Variants in SF3A1 observed in about 807,000 individuals in gnomAD.
The protein encoded by SF3A1 is splicing factor 3a subunit 1, also known as SAP 114.
SF3A1 carries 13 observed loss-of-function variants against 89.9 expected under a neutral mutation model. That is an observed-to-expected ratio of 0.14 (90% confidence interval 0.09 to 0.23). The LOEUF (loss-of-function observed/expected upper bound fraction) is 0.23. Among genes scored for constraint, SF3A1 ranks in the 10% least tolerant of loss-of-function variants. The pLI, the probability that SF3A1 is intolerant of heterozygous loss-of-function variation, is 1.00. For synonymous variants in SF3A1, 405 were observed against 374.4 expected, an observed-to-expected ratio of 1.08 and a Z score of -0.94; for missense variants, 604 against 1,022.1, an observed-to-expected ratio of 0.59 and a Z score of 5.58.
chr22:30,335,919 C>A (rs1004765016), intron 13 of SF3A1, among the ~76,000 whole-genome samples, 166 bp from the exon 14 acceptor site: 5 of 152,200 alleles, frequency 3.3e-5, no homozygotes, highest in Non-Finnish European at 4.4e-5. Context: ...ACAAGTCACC[C>A]CCCTTTGCAA....
chr22:30,347,724 C>T lies in SF3A1; in HGVS notation c.186-1205G>A, dbSNP rs147441029. Among the ~76,000 whole-genome samples, 5 of 152,362 alleles carry T rather than the reference C, an allele frequency of 3.3e-5. No homozygotes were observed. The East Asian group carries it at 9.6e-4, about 29-fold the overall frequency. On this transcript the variant is annotated intron_variant, in intron 2 of 15. Transcript: ENST00000215793. ...ACACGTTCAAGTCTCAGGTTCACTG[C>T]TGACTCACTCTGACCCACAGCAAGT...
chr22:30,348,095 C>T (rs1229990875), intron 2 of SF3A1, among the ~76,000 whole-genome samples: 1 of 152,232 alleles, frequency 6.6e-6, no homozygotes, highest in Non-Finnish European at 1.5e-5. Context: ...CTTGGCCTCC[C>T]AAAGTGATAG....
chr22:30,343,288 T>C (rs955289766), intron 4 of SF3A1, among the ~76,000 whole-genome samples: 1 of 151,986 alleles, frequency 6.6e-6, no homozygotes, highest in African/African-American at 2.4e-5. Flanking sequence ...CCCACCTCCC[T>C]CTATTTCTGC....
chr22:30,338,666 T>C, intron 11 of SF3A1, 123 bp downstream of exon 11: 1 of 1,266,532 alleles, frequency 7.9e-7, no homozygotes, highest in African/African-American at 1.5e-5. Flanking sequence ...GCTCTTTCTC[T>C]TTCAAACTGA....
chr22:30,340,787 T>G lies in SF3A1; in HGVS notation c.1097A>C (p.Gln366Pro). Residue 366 changes from glutamine (Q) to proline (P), a missense_variant, in exon 8 of 16, where the codon CAG becomes CCG. Physicochemically the swap from Gln to Pro is moderately conservative, Grantham distance 76. Transcript: ENST00000215793. ...DEGSDDEEEG[Q>P]KVPPPPETPM... Reference sequence around the variant, plus strand: ...TGTCTCTGGGGGTGGGGGCACTTTCTGCCCTTCTTCTTCATCATCTGAACC... The same window carrying G: ...TGTCTCTGGGGGTGGGGGCACTTTCGGCCCTTCTTCTTCATCATCTGAACC... 6.3e-7 allele frequency: 1 copy of G among 1,593,732 alleles called. No homozygotes were observed. Among genetic ancestry groups the G allele is most frequent in the Non-Finnish European group, 8.6e-7 (1 of 1,169,518 alleles).
intron 2 of SF3A1, among the ~76,000 whole-genome samples, chr22:30,347,120 T>A (rs1040212965): frequency 6.6e-6 from 1 of 152,066 alleles, no homozygotes; most frequent in Admixed American, 6.6e-5. Context: ...GAAAAGACCC[T>A]AACTCTACAA....
chr22:30,334,470 A>G lies in SF3A1; in HGVS notation c.*124T>C. 1 of 624,468 alleles carries G rather than the reference A, an allele frequency of 1.6e-6. No individual in the cohort carries two copies. The highest frequency in any genetic ancestry group is 2.2e-5 in the South Asian group (1 of 45,600). The allele number at this position is 624,468 out of a possible 1,614,324, so 38.7% of individuals were successfully genotyped here. On this transcript the variant is annotated 3_prime_UTR_variant, in exon 16 of 16. Coordinates refer to ENST00000215793, the MANE Select transcript of SF3A1 (RefSeq NM_005877.6). Reference sequence around the variant, plus strand: ...TCTGCAGGACAATTTGAATTCCCAAACTGAGTAAGAGCGAAACAAATATGC... The same window carrying G: ...TCTGCAGGACAATTTGAATTCCCAAGCTGAGTAAGAGCGAAACAAATATGC...
At chr22:30,347,340 G>C (rs150567318) in intron 2 of SF3A1, among the ~76,000 whole-genome samples, 1 of 152,050 alleles carries the variant, frequency 6.6e-6, no homozygotes, top group East Asian at 1.9e-4. Context: ...TTGGTTTAAC[G>C]CCTTGTCCAA....
At position 30,338,806 on chromosome 22, in the gene SF3A1, C is replaced by G; in HGVS notation, c.1726G>C (p.Val576Leu). 6.2e-7 allele frequency: 1 copy of G among 1,614,026 alleles called. No individual in the cohort carries two copies. The highest frequency in any genetic ancestry group is 8.5e-7 in the Non-Finnish European group (1 of 1,179,940). Reference sequence around the variant, plus strand: ...TGGCTTACTGTGGGTGGTCGGGGCACTGAAGTGATGGGTGGAGCCGAGCTG... The same window carrying G: ...TGGCTTACTGTGGGTGGTCGGGGCAGTGAAGTGATGGGTGGAGCCGAGCTG... Reference protein sequence around the residue: ...IPSSAPPITSVPRPPTMPPPV... With the variant: ...IPSSAPPITSLPRPPTMPPPV... Residue 576 changes from valine (V) to leucine (L), a missense_variant, in exon 11 of 16, where the codon GTG (valine) becomes CTG (leucine). This residue lies in a region of SF3A1 where 85 missense variants were observed against 137.3 expected (regional missense o/e 0.62). Coordinates refer to ENST00000215793, the MANE Select transcript of SF3A1 (RefSeq NM_005877.6).
chr22:30,351,493 C>A (rs562046778), intron 2 of SF3A1, among the ~76,000 whole-genome samples: 17 of 152,266 alleles, frequency 1.1e-4, no homozygotes, highest in African/African-American at 4.1e-4. Flanking sequence ...GAAATCCAGA[C>A]TGATTGTGAA....
chr22:30,345,183 G>A lies in SF3A1; in HGVS notation c.401C>T (p.Ala134Val), dbSNP rs1931381850. ...CACGATGGTCTCTTGGATTACTTGGGCTTGGACCTAAGATGCAAAGGGAGT... is the reference window on the plus strand; with the variant it reads ...CACGATGGTCTCTTGGATTACTTGGACTTGGACCTAAGATGCAAAGGGAGT... ...TQQQLPQKVQ[A>V]QVIQETIVPK... The change falls in exon 4 of 16, where the codon GCC becomes GTC. Residue 134 changes from alanine to valine, a missense_variant. By Grantham distance (64) the Ala-to-Val change is moderately conservative. Coordinates refer to ENST00000215793, the MANE Select transcript of SF3A1 (RefSeq NM_005877.6). The A allele has an allele frequency of 3.1e-6, 5 of 1,613,074 alleles. No individual in the cohort carries two copies. The East Asian group carries it at 1.1e-4, about 36-fold the overall frequency.
chr22:30,349,254 A>T (rs1318492411), intron 2 of SF3A1, among the ~76,000 whole-genome samples: 1 of 152,230 alleles, frequency 6.6e-6, no homozygotes, highest in Non-Finnish European at 1.5e-5. Flanking sequence ...TCTTTGTTGC[A>T]ATGTAAACGA....
chr22:30,334,341 T>C lies in SF3A1; in HGVS notation c.*253A>G, dbSNP rs1354814216. ...AGTTGCTAATGGGCTGCTGAAGAAA[T>C]GAATGTCCTCAAATCGAGACCCTAA... On this transcript the variant is annotated 3_prime_UTR_variant, in exon 16 of 16. Coordinates refer to ENST00000215793, the MANE Select transcript of SF3A1 (RefSeq NM_005877.6). The C allele has an allele frequency of 1.2e-5, 4 of 346,994 alleles. No individual in the cohort carries two copies. In the East Asian group the frequency reaches 2.3e-4, roughly 20 times the overall value. The allele number at this position is 346,994 out of a possible 1,614,324, so 21.5% of individuals were successfully genotyped here. A position where few individuals can be genotyped will look rare whatever the true frequency, so the allele number is the denominator to read the frequency against.
At chr22:30,339,272 G>A (rs970486220) in intron 9 of SF3A1, 21 bp from the exon 10 acceptor site, 1 of 1,613,012 alleles carries the variant, frequency 6.2e-7, no homozygotes, top group East Asian at 2.2e-5. Context: ...ACAAAACAGA[G>A]GCAGAGGATA....
chr22:30,337,187 A>G lies in SF3A1; in HGVS notation c.1952-7T>C. The G allele has an allele frequency of 6.2e-7, 1 of 1,604,708 alleles. No individual in the cohort carries two copies. The highest frequency in any genetic ancestry group is 8.5e-7 in the Non-Finnish European group (1 of 1,175,446). On this transcript the variant is annotated splice_region_variant and splice_polypyrimidine_tract_variant and intron_variant, in intron 12 of 15. Transcript: ENST00000215793. Reference sequence around the variant, plus strand: ...GGTGGAGCAGGCACAAAGGCTGCAAAGACAAGAATAAGCAGCCCCATGAGA... The same window carrying G: ...GGTGGAGCAGGCACAAAGGCTGCAAGGACAAGAATAAGCAGCCCCATGAGA...
intron 1 of SF3A1, among the ~76,000 whole-genome samples, chr22:30,356,473 A>T (rs1825901798): frequency 6.6e-6 from 1 of 152,236 alleles, no homozygotes; most frequent in African/African-American, 2.4e-5. Context: ...TATTTAAAAG[A>T]TCTACGGCGG....
At chr22:30,352,086 G>T (rs1009738828) in intron 2 of SF3A1, among the ~76,000 whole-genome samples, 5 of 150,722 alleles carry the variant, frequency 3.3e-5, no homozygotes, top group Non-Finnish European at 7.4e-5. Context: ...GGAGGAACCC[G>T]GAGCAATTCC....
chr22:30,342,950 C>A, intron 4 of SF3A1, 71 bp from the exon 5 acceptor site: 1 of 974,880 alleles, frequency 1.0e-6, no homozygotes, highest in Non-Finnish European at 1.6e-6. Flanking sequence ...CCTTCCTGGG[C>A]CTGTGATAAA....
Position 30,340,747 on chromosome 22 carries a change from AGGTGGAGGCATG to A in SF3A1, c.1125_1136del (p.Met376_Pro379del). ...TGACTTGGTCTGGAGTTGGGGGCAG[AGGTGGAGGCATG>A]GGTGTCTCTGGGGGTGGGGGCACTT... On this transcript the variant is annotated inframe_deletion, in exon 8 of 16. Transcript: ENST00000215793. 1.9e-6 allele frequency: 3 copies of A among 1,597,324 alleles called. No homozygotes were observed. The highest frequency in any genetic ancestry group is 2.6e-6 in the Non-Finnish European group (3 of 1,168,414).
Sources: gnomAD v4.1 joint callset for allele counts (sites outside exome capture counted in the v4.1 genomes callset) on GRCh38, gnomAD v4.1.1 for gene constraint, gnomAD v4.1.1 regional missense constraint, MANE v1.5 for transcripts, NCBI Gene and HGNC (gene_info 2026-07-23, HGNC 2026-07-21) for gene names.